Variants in ZNG1E observed in about 807,000 individuals in gnomAD.
The protein encoded by ZNG1E is Zn regulated GTPase metalloprotein activator 1E, also known as zinc-regulated GTPase metalloprotein activator 1E.
chr9:65,658,197 T>G, the ZNG1E span, among the ~76,000 whole-genome samples: 1 of 149,846 alleles, frequency 6.7e-6, no homozygotes. Context: ...TTCACAACTT[T>G]AAAAAATATC....
the ZNG1E span, among the ~76,000 whole-genome samples, chr9:65,660,828 GATATATATATATAT>G: frequency 1.1e-4 from 14 of 130,208 alleles, no homozygotes; most frequent in African/African-American, 2.7e-4. Flanking sequence ...TGGTTATACA[GATATATATATATAT>G]ATATATATAT....
At chr9:65,722,688 G>A in the ZNG1E span, among the ~76,000 whole-genome samples, 3 of 29,276 alleles carry the variant, frequency 1.0e-4, no homozygotes, top group Non-Finnish European at 2.0e-4. Context: ...GTACCACCAT[G>A]CCTAGCTAAT....
chr9:65,684,523 C>A, the ZNG1E span, among the ~76,000 whole-genome samples: 2 of 151,888 alleles, frequency 1.3e-5, no homozygotes, highest in Admixed American at 6.6e-5. Context: ...GGCAACAGAG[C>A]AAGACTGTAT....
chr9:65,719,410 G>A, the ZNG1E span: 4 of 133,176 alleles, frequency 3.0e-5, no homozygotes, highest in African/African-American at 3.3e-5. Flanking sequence ...GTCCCCATCA[G>A]TGTTGAAATG....
At chr9:65,687,769 T>A in the ZNG1E span, among the ~76,000 whole-genome samples, 1 of 149,120 alleles carries the variant, frequency 6.7e-6, no homozygotes, top group Non-Finnish European at 1.5e-5. Context: ...AAAGTCTGAT[T>A]TTTCTCCCTC....
At chr9:65,681,119 T>A in the ZNG1E span, among the ~76,000 whole-genome samples, 2 of 151,550 alleles carry the variant, frequency 1.3e-5, no homozygotes, top group Non-Finnish European at 2.9e-5. Flanking sequence ...CTAGGGTTTT[T>A]ACTCATTGGG....
the ZNG1E span, among the ~76,000 whole-genome samples, chr9:65,695,863 A>G: frequency 1.3e-5 from 2 of 149,944 alleles, no homozygotes; most frequent in East Asian, 1.9e-4. Flanking sequence ...TTTTTGATAT[A>G]TAAGCAAAAG....
the ZNG1E span, chr9:65,719,772 A>G: frequency 2.4e-6 from 1 of 418,814 alleles, no homozygotes; most frequent in Non-Finnish European, 4.2e-6. Flanking sequence ...ATATTTAACC[A>G]TACAAAATAG....
chr9:65,667,992 G>A, the ZNG1E span, among the ~76,000 whole-genome samples: 13 of 140,678 alleles, frequency 9.2e-5, 1 homozygote, highest in Admixed American at 2.1e-4. Flanking sequence ...GCAAAACTTC[G>A]TCTCAAAAAA....
chr9:65,658,094 C>T, the ZNG1E span, among the ~76,000 whole-genome samples: 734 of 133,180 alleles, frequency 5.5e-3, no homozygotes, highest in African/African-American at 0.021. Context: ...AGCAAAACTC[C>T]GTCTCAAAAA....
chr9:65,684,550 G>GCGCACACGCACACA, the ZNG1E span, among the ~76,000 whole-genome samples: 1 of 132,766 alleles, frequency 7.5e-6, no homozygotes. Context: ...ACACACGCAC[G>GCGCACACGCACACA]CACACACACA....
the ZNG1E span, among the ~76,000 whole-genome samples, chr9:65,680,759 C>T: frequency 2.0e-5 from 3 of 151,730 alleles, no homozygotes; most frequent in African/African-American, 7.2e-5. Context: ...GTAAGTATTG[C>T]TAGGAAAATA....
the ZNG1E span, among the ~76,000 whole-genome samples, chr9:65,715,053 C>G: frequency 2.0e-5 from 3 of 149,278 alleles, no homozygotes; most frequent in Admixed American, 6.7e-5. Flanking sequence ...CAGCGAGACT[C>G]CGTGGGCGTG....
chr9:65,712,726 G>C, the ZNG1E span, among the ~76,000 whole-genome samples: 2 of 123,226 alleles, frequency 1.6e-5, no homozygotes, highest in Admixed American at 1.7e-4. Flanking sequence ...GAGATAGTTT[G>C]TTATAATTTC....
chr9:65,706,876 T>C, the ZNG1E span: 1 of 146,652 alleles, frequency 6.8e-6, no homozygotes, highest in South Asian at 2.2e-4. Context: ...CTGTTGAATT[T>C]GATATTCACA....
At chr9:65,699,012 A>C in the ZNG1E span, among the ~76,000 whole-genome samples, 2 of 146,094 alleles carry the variant, frequency 1.4e-5, no homozygotes, top group African/African-American at 5.0e-5. Flanking sequence ...TCAGCCTCCC[A>C]AGTAGCTGGG....
chr9:65,716,670 A>AT, the ZNG1E span, among the ~76,000 whole-genome samples: 1 of 151,092 alleles, frequency 6.6e-6, no homozygotes, highest in Non-Finnish European at 1.5e-5. Context: ...TTTGTAAAAA[A>AT]AAAAATAAAG....
At chr9:65,665,043 G>A in the ZNG1E span, among the ~76,000 whole-genome samples, 1 of 152,262 alleles carries the variant, frequency 6.6e-6, no homozygotes, top group African/African-American at 2.4e-5. Flanking sequence ...TATAAGGGAA[G>A]CAGAGCACAA....
At chr9:65,688,225 ATTATTAAT>A in the ZNG1E span, among the ~76,000 whole-genome samples, 16 of 127,750 alleles carry the variant, frequency 1.3e-4, no homozygotes, top group African/African-American at 4.1e-4. Flanking sequence ...ATTATTAATA[ATTATTAAT>A]TAATTGGTTA....
Sources: gnomAD v4.1 joint callset for allele counts (sites outside exome capture counted in the v4.1 genomes callset) on GRCh38, gnomAD v4.1.1 for gene constraint, MANE v1.5 for transcripts, NCBI Gene and HGNC (gene_info 2026-07-23, HGNC 2026-07-21) for gene names.